The following KDM7A variants were observed in gnomAD, a reference collection of about 807,000 sequenced individuals.
KDM7A encodes the protein lysine-specific demethylase 7A.
A neutral mutation model predicts 114.8 loss-of-function variants in KDM7A; 28 were observed. The ratio of observed to expected loss-of-function variants is 0.24; its 90% confidence interval spans 0.18 to 0.33. The LOEUF (loss-of-function observed/expected upper bound fraction) is 0.33, where lower values mean the gene tolerates loss of function less well. Ranked by LOEUF, KDM7A falls within the 10% of genes least tolerant of loss-of-function variation. The probability of loss-of-function intolerance (pLI) is 1.00; values close to 1 mark genes in which losing one functional copy is unlikely to be tolerated. For synonymous variants in KDM7A, 423 were observed against 397.8 expected (o/e 1.06, Z -0.75); for missense variants, 942 against 1,142.5 (o/e 0.82, Z 2.53).
intron 1 of KDM7A, among the ~76,000 whole-genome samples, chr7:140,155,287 T>C (rs1794446207): frequency 2.0e-5 from 3 of 152,092 alleles, no homozygotes; most frequent in African/African-American, 7.2e-5. Context: ...ATATAACATA[T>C]CTCTAAGCCA....
rs149807483 is a variant in KDM7A at position 140,144,935 on chromosome 7, C to G, written c.195-5745G>C. Among the ~76,000 whole-genome samples, 268 of 152,306 alleles carry G rather than the reference C, an allele frequency of 1.8e-3. 1 individual carries two copies. Among genetic ancestry groups the G allele is most frequent in the Non-Finnish European group, 3.5e-3 (240 of 68,030 alleles). ...TCTTCTCACCATGAGAGCACCTACT[C>G]CCCCTTCGCCTTCTGCCATGATTGA... On this transcript the variant is annotated intron_variant, in intron 1 of 19. Transcript: ENST00000397560.
In KDM7A at chr7:140,090,310, C is replaced by T. The variant is rs1182473165; in HGVS notation, c.*784G>A. ...AGGGATCTTTCATGGAGTTCTTACACATTGGCTACGAAAGTGTTTCCCTGC... is the reference window on the plus strand; with the variant it reads ...AGGGATCTTTCATGGAGTTCTTACATATTGGCTACGAAAGTGTTTCCCTGC... On this transcript the variant is annotated 3_prime_UTR_variant, in exon 20 of 20. Transcript: ENST00000397560. The T allele has an allele frequency of 1.3e-5, 2 of 152,076 alleles. No homozygotes were observed. Among genetic ancestry groups the T allele is most frequent in the Non-Finnish European group, 2.9e-5 (2 of 68,020 alleles). 9.4% of individuals were successfully genotyped at this position (152,076 alleles called of 1,614,324 possible).
chr7:140,143,112 G>A (rs1383368376), intron 1 of KDM7A, among the ~76,000 whole-genome samples: 5 of 150,698 alleles, frequency 3.3e-5, no homozygotes, highest in Admixed American at 1.3e-4. Context: ...CTCGGGAGGC[G>A]GAGCTTGCAG....
At chr7:140,137,371 T>C (rs1818888552) in intron 2 of KDM7A, among the ~76,000 whole-genome samples, 1 of 152,388 alleles carries the variant, frequency 6.6e-6, no homozygotes, top group South Asian at 2.1e-4. Flanking sequence ...TTCTGCCTCA[T>C]AGTAACTTAC....
chr7:140,142,493 T>C (rs1276297791), intron 1 of KDM7A, among the ~76,000 whole-genome samples: 1 of 150,608 alleles, frequency 6.6e-6, no homozygotes, highest in Non-Finnish European at 1.5e-5. Flanking sequence ...CTCTAAGTGG[T>C]TGAATCACAC....
At chr7:140,092,121 A>T (rs757397594) in intron 18 of KDM7A, 44 bp from the exon 19 acceptor site, 1 of 1,595,816 alleles carries the variant, frequency 6.3e-7, no homozygotes, top group Non-Finnish European at 8.6e-7. Context: ...TTAGGGTTTA[A>T]ATGAGGTATT....
At chr7:140,093,497 T>C (rs904594321) in intron 18 of KDM7A, among the ~76,000 whole-genome samples, 2 of 152,226 alleles carry the variant, frequency 1.3e-5, no homozygotes, top group Non-Finnish European at 2.9e-5. Flanking sequence ...AGAACTTTGA[T>C]TCTTTCTTTG....
At chr7:140,159,020 A>G (rs992610797) in intron 1 of KDM7A, among the ~76,000 whole-genome samples, 3 of 152,182 alleles carry the variant, frequency 2.0e-5, no homozygotes, top group Non-Finnish European at 4.4e-5. Flanking sequence ...AGTCAAGAAA[A>G]GGGTTTTTTG....
intron 1 of KDM7A, among the ~76,000 whole-genome samples, chr7:140,154,684 G>C (rs1450651734): frequency 2.0e-5 from 3 of 151,842 alleles, no homozygotes; most frequent in Non-Finnish European, 2.9e-5. Context: ...CAATTTCCAT[G>C]ATGGGGATCA....
chr7:140,104,156 T>C (rs942610528), intron 11 of KDM7A, among the ~76,000 whole-genome samples: 2 of 148,998 alleles, frequency 1.3e-5, no homozygotes, highest in African/African-American at 5.2e-5. Context: ...GTTGATGGGG[T>C]TGTTTGATTT....
rs1818006782 is a variant in KDM7A, at chr7:140,090,899, C to T, written c.*195G>A. 1 of 560,060 alleles carries T rather than the reference C, an allele frequency of 1.8e-6. No individual in the cohort carries two copies. The highest frequency in any genetic ancestry group is 2.6e-5 in the South Asian group (1 of 38,800). The allele number at this position is 560,060 out of a possible 1,614,324, so 34.7% of individuals were successfully genotyped here. A position where few individuals can be genotyped will look rare whatever the true frequency, so the allele number is the denominator to read the frequency against. On this transcript the variant is annotated 3_prime_UTR_variant, in exon 20 of 20. Transcript: ENST00000397560. ...AGGTTCTACCCTCCTTCTTCCTCTC[C>T]CCCACCAGGTCCAAAATGGTTATTG...
chr7:140,127,561 G>T lies in KDM7A; in HGVS notation c.582C>A (p.Val194=), dbSNP rs776553286. 1 of 1,613,898 alleles carries T rather than the reference G, an allele frequency of 6.2e-7. No homozygotes were observed. Among genetic ancestry groups the T allele is most frequent in the South Asian group, 1.1e-5 (1 of 91,056 alleles). The change falls in exon 5 of 20, where the codon GTC becomes GTA. Residue 194 remains valine, a synonymous_variant. Transcript: ENST00000397560. The part of the protein sequence containing the change: ...RYVGGDKVID[V]IDVARQADSK... ...TGTCTGCCTGCCTCGCCACATCAAT[G>T]ACATCTATCACTTTGTCACCACCTG...
In KDM7A at chr7:140,176,264, C is replaced by T. The variant is rs1185797316; in HGVS notation, c.194+480G>A. ...AGGAGACGCGGGGCCGGGGCGACCC[C>T]ATCGCCGCCCGGAAGGAAGGCAGGC... On this transcript the variant is annotated intron_variant, in intron 1 of 19. Transcript: ENST00000397560. The surrounding 1 kb of genome is among the most constrained non-coding windows in gnomAD (Gnocchi z 4.4). Among the ~76,000 whole-genome samples the T allele has an allele frequency of 6.6e-6, 1 of 150,420 alleles. No individual in the cohort carries two copies. The highest frequency in any genetic ancestry group is 1.5e-5 in the Non-Finnish European group (1 of 67,622).
rs1794420842 is a variant in KDM7A at position 140,153,253 on chromosome 7, C to T, written c.195-14063G>A. On this transcript the variant is annotated intron_variant, in intron 1 of 19. Coordinates refer to ENST00000397560, the MANE Select transcript of KDM7A (RefSeq NM_030647.2). ...CCATAAAAGTAACCATGCGTGAGGC[C>T]GAGGCGGGCGGATCACGAGGTCAGG... Among the ~76,000 whole-genome samples the T allele has an allele frequency of 2.0e-5, 3 of 150,950 alleles. 1 individual carries two copies. The highest frequency in any genetic ancestry group is 6.6e-5 in the Admixed American group (1 of 15,148).
At chr7:140,162,265 G>A (rs984881380) in intron 1 of KDM7A, among the ~76,000 whole-genome samples, 1 of 151,912 alleles carries the variant, frequency 6.6e-6, no homozygotes, top group Non-Finnish European at 1.5e-5. Context: ...AACCCAGGAG[G>A]CGGAAGTTGT....
In KDM7A at chr7:140,126,964, GTTTGTTTGTT is replaced by G. The variant is rs1340742303; in HGVS notation, c.702-151_702-142del. 10 of 675,136 alleles carry G rather than the reference GTTTGTTTGTT, an allele frequency of 1.5e-5. No individual in the cohort carries two copies. The East Asian group carries it at 2.7e-4, about 18-fold the overall frequency. 41.8% of individuals were successfully genotyped at this position (675,136 alleles called of 1,614,324 possible). A position where few individuals can be genotyped will look rare whatever the true frequency, so the allele number is the denominator to read the frequency against. On this transcript the variant is annotated intron_variant, in intron 5 of 19. Transcript: ENST00000397560. ...CAACACTTAAAAGTTTAAAACACAT[GTTTGTTTGTT>G]TTTGAGACAGAGTCTTGCTCTGTCG...
chr7:140,159,807 A>G (rs1002768210), intron 1 of KDM7A, among the ~76,000 whole-genome samples: 1 of 152,202 alleles, frequency 6.6e-6, no homozygotes, highest in Non-Finnish European at 1.5e-5. Flanking sequence ...TCAGCATATC[A>G]CTGGCAACAG....
At chr7:140,166,644 T>C (rs1189494212) in intron 1 of KDM7A, among the ~76,000 whole-genome samples, 1 of 152,196 alleles carries the variant, frequency 6.6e-6, no homozygotes, top group Non-Finnish European at 1.5e-5. Flanking sequence ...GGAGGAATAC[T>C]GTCTTAATAC....
At chr7:140,134,794 T>C (rs544499769) in intron 2 of KDM7A, among the ~76,000 whole-genome samples, 1 of 152,294 alleles carries the variant, frequency 6.6e-6, no homozygotes, top group South Asian at 2.1e-4. Context: ...TTTTCCTATA[T>C]GTTTGAACAT....
Sources: allele counts gnomAD v4.1 joint callset (sites outside exome capture counted in the v4.1 genomes callset), GRCh38; gene constraint gnomAD v4.1.1; non-coding constraint Gnocchi (gnomAD v3.1); transcripts MANE v1.5; gene names NCBI Gene and HGNC (gene_info 2026-07-23, HGNC 2026-07-21).